MAP7: variants seen among roughly 807,000 people sequenced by gnomAD.
MAP7 encodes the protein microtubule associated protein 7, also known as ensconsin.
MAP7 carries 52 observed loss-of-function variants against 94.8 expected under a neutral mutation model. The ratio of observed to expected loss-of-function variants is 0.55; its 90% CI spans 0.44 to 0.69. The LOEUF (loss-of-function observed/expected upper bound fraction) is 0.69, where lower values mean the gene tolerates loss of function less well. Ranked by LOEUF, MAP7 falls within the 30% of genes least tolerant of loss-of-function variation. The probability of loss-of-function intolerance (pLI) is 0.00; values close to 1 mark genes in which losing one functional copy is unlikely to be tolerated. For synonymous variants in MAP7, 350 were observed against 357.0 expected, an observed-to-expected ratio of 0.98 and a Z score of 0.22; for missense variants, 940 against 964.6, an observed-to-expected ratio of 0.97 and a Z score of 0.34.
chr6:136,377,875 G>A lies in MAP7; in HGVS notation c.638-7C>T, dbSNP rs768800977. 1.5e-5 allele frequency: 24 copies of A among 1,598,424 alleles called. No homozygotes were observed. The highest frequency in any genetic ancestry group is 1.7e-4 in the Middle Eastern group (1 of 6,000). Reference sequence around the variant, plus strand: ...CTGAGCTGCAGGCGGCGAGCTAAACGTCACCACATAAGCAAGATGTTAGAA... The same window carrying A: ...CTGAGCTGCAGGCGGCGAGCTAAACATCACCACATAAGCAAGATGTTAGAA... On this transcript the variant is annotated splice_region_variant and splice_polypyrimidine_tract_variant and intron_variant, in intron 6 of 17. Transcript: ENST00000354570.
intron 1 of MAP7, among the ~76,000 whole-genome samples, chr6:136,507,312 C>G (rs1046725059): frequency 5.3e-5 from 8 of 151,262 alleles, no homozygotes; most frequent in Non-Finnish European, 1.0e-4. Context: ...TCCTGGAGGC[C>G]AAGCAGAAGA....
At chr6:136,426,663 A>T (rs976040489) in intron 1 of MAP7, among the ~76,000 whole-genome samples, 10 of 152,210 alleles carry the variant, frequency 6.6e-5, no homozygotes, top group African/African-American at 2.4e-4. Flanking sequence ...CACGAGCAAA[A>T]CTACCAAGGC....
rs147605039 is a variant in MAP7, at chr6:136,439,104, G to A, written c.68-17305C>T. On this transcript the variant is annotated intron_variant, in intron 1 of 17. Transcript: ENST00000354570. ...TGCTATGGTTTGAATGTGTGTATCC[G>A]CCAAAATGGTTTGAATGTATGTATC... is the stretch of plus-strand genomic sequence containing the variant. Among the ~76,000 whole-genome samples the A allele has an allele frequency of 4.3e-3, 659 of 152,198 alleles. 3 individuals carry two copies. Among genetic ancestry groups the A allele is most frequent in the Non-Finnish European group, 6.1e-3 (412 of 68,012 alleles).
intron 2 of MAP7, 95 bp downstream of exon 2, chr6:136,421,606 G>T: frequency 8.1e-7 from 1 of 1,231,724 alleles, no homozygotes. Flanking sequence ...CTGGAAACTA[G>T]AATTTAAACA....
intron 1 of MAP7, among the ~76,000 whole-genome samples, chr6:136,445,977 C>T (rs866462647): frequency 9.2e-5 from 14 of 152,300 alleles, no homozygotes; most frequent in African/African-American, 2.6e-4. Context: ...ATTCTGCAGC[C>T]GACACCAGCT....
chr6:136,452,060 G>A (rs1356683414), intron 1 of MAP7, among the ~76,000 whole-genome samples: 3 of 152,148 alleles, frequency 2.0e-5, no homozygotes, highest in Admixed American at 1.3e-4. Context: ...CGGGCATGGT[G>A]GCACATGCCT....
chr6:136,495,657 T>A (rs1490862325), intron 1 of MAP7, among the ~76,000 whole-genome samples: 2 of 152,286 alleles, frequency 1.3e-5, no homozygotes, highest in East Asian at 3.9e-4. Context: ...AAAAAATGTA[T>A]TCCTGATAGG....
intron 7 of MAP7, 64 bp from the exon 8 acceptor site, chr6:136,372,689 G>A: frequency 1.9e-6 from 3 of 1,608,650 alleles, no homozygotes; most frequent in Non-Finnish European, 2.6e-6. Context: ...AAGAGTGCCA[G>A]AGGAGCAGTT....
chr6:136,457,475 G>C (rs967143702), intron 1 of MAP7, among the ~76,000 whole-genome samples: 4 of 152,048 alleles, frequency 2.6e-5, no homozygotes. Context: ...ATTACGAAGC[G>C]GTGTTACCGT....
chr6:136,488,602 G>A (rs377581665), intron 1 of MAP7, among the ~76,000 whole-genome samples: 15 of 151,810 alleles, frequency 9.9e-5, no homozygotes, highest in African/African-American at 2.7e-4. Flanking sequence ...CCGCCACCAC[G>A]CCCAGCTAAT....
At chr6:136,511,656 C>T (rs978345265) in intron 1 of MAP7, among the ~76,000 whole-genome samples, 1 of 152,138 alleles carries the variant, frequency 6.6e-6, no homozygotes, top group African/African-American at 2.4e-5. Flanking sequence ...TCACTTTCCA[C>T]GATATTTCCT....
intron 16 of MAP7, 22 bp downstream of exon 16, chr6:136,356,670 A>G: frequency 6.3e-7 from 1 of 1,579,786 alleles, no homozygotes; most frequent in Non-Finnish European, 8.7e-7. Context: ...TTTTACTTTA[A>G]TGAATGTCAG....
At chr6:136,435,614 C>T (rs1197925746) in intron 1 of MAP7, among the ~76,000 whole-genome samples, 2 of 152,110 alleles carry the variant, frequency 1.3e-5, no homozygotes, top group African/African-American at 4.8e-5. Context: ...ATCCTATGTC[C>T]TTTATTTTAC....
rs1790726904 is a variant in MAP7 at position 136,419,933 on chromosome 6, C to T, written c.166+1768G>A. The T allele has an allele frequency of 4.9e-6, 3 of 613,000 alleles. No individual in the cohort carries two copies. The South Asian group carries it at 5.0e-5, about 10-fold the overall frequency. The allele number at this position is 613,000 out of a possible 1,614,324, so 38.0% of individuals were successfully genotyped here. A position where few individuals can be genotyped will look rare whatever the true frequency, so the allele number is the denominator to read the frequency against. On this transcript the variant is annotated intron_variant, in intron 2 of 17. Transcript: ENST00000354570. ...TCTATCTCTATGTATTTTTCTATTT[C>T]TTCCTCTGATAGCTATAACTTGGTT...
chr6:136,483,360 G>A (rs1041663128), intron 1 of MAP7, among the ~76,000 whole-genome samples: 3 of 151,920 alleles, frequency 2.0e-5, no homozygotes, highest in African/African-American at 7.3e-5. Context: ...GCCTTCTTGA[G>A]GGTGAAGGGC....
At chr6:136,519,238 G>A (rs888943400) in intron 1 of MAP7, among the ~76,000 whole-genome samples, 33 of 152,202 alleles carry the variant, frequency 2.2e-4, no homozygotes, top group African/African-American at 7.7e-4. Context: ...GCAAATAAAA[G>A]TTTATGCCAA....
chr6:136,428,096 C>A (rs1793735796), intron 1 of MAP7, among the ~76,000 whole-genome samples: 2 of 152,140 alleles, frequency 1.3e-5, no homozygotes, highest in Non-Finnish European at 2.9e-5. Context: ...TCTATAACTG[C>A]ACTAAGACTT....
chr6:136,519,939 C>T (rs540070329), intron 1 of MAP7, among the ~76,000 whole-genome samples: 1 of 152,232 alleles, frequency 6.6e-6, no homozygotes, highest in South Asian at 2.1e-4. Flanking sequence ...TGGCTCACTC[C>T]TGCAATCCCA....
intron 17 of MAP7, among the ~76,000 whole-genome samples, 166 bp from the exon 18 acceptor site, chr6:136,344,404 T>A (rs1200361792): frequency 6.6e-6 from 1 of 152,236 alleles, no homozygotes; most frequent in Admixed American, 6.5e-5. Flanking sequence ...TATATTTAAG[T>A]GAATTCTGTT....
Sources: allele counts gnomAD v4.1 joint callset (sites outside exome capture counted in the v4.1 genomes callset), GRCh38; gene constraint gnomAD v4.1.1; transcripts MANE v1.5; gene names NCBI Gene and HGNC (gene_info 2026-07-23, HGNC 2026-07-21).